The following SEC24D variants were observed in gnomAD, a reference collection of about 807,000 sequenced individuals.
The protein encoded by SEC24D is protein transport protein Sec24D.
Under a neutral mutation model 116.9 loss-of-function variants are expected in SEC24D, and 69 were observed. That is an observed-to-expected ratio of 0.59 (90% CI 0.49 to 0.72). The LOEUF (loss-of-function observed/expected upper bound fraction) is 0.72, where lower values mean the gene tolerates loss of function less well. Among genes scored for constraint, SEC24D ranks in the 30% least tolerant of loss-of-function variants. The pLI is 0.00. For missense variants in SEC24D, 1,131 were observed against 1,264.1 expected (o/e 0.89, Z 1.60); for synonymous variants, 405 against 442.8 (o/e 0.91, Z 1.07).
At chr4:118,783,457 T>G (rs1728521128) in intron 8 of SEC24D, among the ~76,000 whole-genome samples, 2 of 152,352 alleles carry the variant, frequency 1.3e-5, no homozygotes, top group Non-Finnish European at 2.9e-5. Context: ...GGCAGAGATC[T>G]TTGTCTGCTC....
rs769199260 is a variant in SEC24D, at chr4:118,805,828, A to G, written c.913+15T>C. On this transcript the variant is annotated intron_variant, in intron 7 of 22. Transcript: ENST00000280551. Reference sequence around the variant, plus strand: ...TTTTAAAACCTTAATAAATGGCATAATTAAAAACAAATACCTTGGTCTTGT... The same window carrying G: ...TTTTAAAACCTTAATAAATGGCATAGTTAAAAACAAATACCTTGGTCTTGT... 1 of 1,459,688 alleles carries G rather than the reference A, an allele frequency of 6.9e-7. No homozygotes were observed. Among genetic ancestry groups the G allele is most frequent in the Non-Finnish European group, 9.2e-7 (1 of 1,085,614 alleles). The allele number at this position is 1,459,688 out of a possible 1,614,324, so 90.4% of individuals were successfully genotyped here. A position where few individuals can be genotyped will look rare whatever the true frequency, so the allele number is the denominator to read the frequency against.
At chr4:118,742,634 A>G (rs1191046076) in intron 15 of SEC24D, among the ~76,000 whole-genome samples, 1 of 152,212 alleles carries the variant, frequency 6.6e-6, no homozygotes, top group Non-Finnish European at 1.5e-5. Flanking sequence ...CAAGTCCCTT[A>G]GTTTATAAAG....
chr4:118,797,164 C>T (rs77873179), intron 8 of SEC24D, among the ~76,000 whole-genome samples: 1 of 152,124 alleles, frequency 6.6e-6, no homozygotes, highest in Non-Finnish European at 1.5e-5. Context: ...CTTTTTTTCC[C>T]GCTCAACTAT....
chr4:118,762,904 C>T (rs1445163735), intron 10 of SEC24D, among the ~76,000 whole-genome samples: 3 of 152,162 alleles, frequency 2.0e-5, no homozygotes, highest in African/African-American at 7.2e-5. Flanking sequence ...AGATTTGACT[C>T]TCTGCCTAAG....
intron 2 of SEC24D, among the ~76,000 whole-genome samples, chr4:118,829,571 G>A (rs1730750303): frequency 6.6e-6 from 1 of 152,212 alleles, no homozygotes. Context: ...CCAGCACTTT[G>A]AGAGGCCGAG....
intron 12 of SEC24D, 63 bp from the exon 13 acceptor site, chr4:118,752,152 A>G: frequency 1.9e-6 from 2 of 1,049,452 alleles, no homozygotes; most frequent in East Asian, 2.4e-5. Flanking sequence ...ACTTCAAGCA[A>G]TAAATCACTA....
intron 2 of SEC24D, among the ~76,000 whole-genome samples, chr4:118,829,000 C>T (rs766859532): frequency 1.5e-4 from 23 of 152,316 alleles, no homozygotes; most frequent in South Asian, 8.3e-4. Flanking sequence ...GCATTCCCTC[C>T]GGGAAGGAGC....
intron 13 of SEC24D, among the ~76,000 whole-genome samples, chr4:118,748,529 A>C (rs959374743): frequency 5.3e-5 from 8 of 152,156 alleles, no homozygotes; most frequent in African/African-American, 1.7e-4. Context: ...TGCCTATAGG[A>C]GCGAGTCATA....
chr4:118,805,830 T>G lies in SEC24D; in HGVS notation c.913+13A>C. Reference sequence around the variant, plus strand: ...TTAAAACCTTAATAAATGGCATAATTAAAAACAAATACCTTGGTCTTGTAT... The same window carrying G: ...TTAAAACCTTAATAAATGGCATAATGAAAAACAAATACCTTGGTCTTGTAT... On this transcript the variant is annotated intron_variant, in intron 7 of 22. Transcript: ENST00000280551. 1 of 1,473,976 alleles carries G rather than the reference T, an allele frequency of 6.8e-7. No individual in the cohort carries two copies. Among genetic ancestry groups the G allele is most frequent in the Non-Finnish European group, 9.1e-7 (1 of 1,098,866 alleles). 91.3% of individuals were successfully genotyped at this position (1,473,976 alleles called of 1,614,324 possible). A position where few individuals can be genotyped will look rare whatever the true frequency, so the allele number is the denominator to read the frequency against.
intron 7 of SEC24D, among the ~76,000 whole-genome samples, chr4:118,805,022 TGA>T (rs1729615729): frequency 6.6e-6 from 1 of 151,648 alleles, no homozygotes; most frequent in African/African-American, 2.4e-5. Context: ...ATGCTGAGGT[TGA>T]GAGAGAGAGG....
chr4:118,811,457 G>A (rs1374820514), intron 6 of SEC24D, among the ~76,000 whole-genome samples: 1 of 152,222 alleles, frequency 6.6e-6, no homozygotes, highest in African/African-American at 2.4e-5. Flanking sequence ...TGCTATGAAA[G>A]TATTTTAAAA....
chr4:118,730,747 T>C (rs1725639708), intron 21 of SEC24D: 1 of 152,406 alleles, frequency 6.6e-6, no homozygotes, highest in Admixed American at 6.5e-5. Flanking sequence ...TTTCTTTTGT[T>C]GTTATTGCAA....
intron 22 of SEC24D, among the ~76,000 whole-genome samples, chr4:118,724,937 A>G (rs1725330773): frequency 4.6e-5 from 7 of 152,150 alleles, no homozygotes; most frequent in Admixed American, 4.6e-4. Flanking sequence ...ACATGCAGTT[A>G]GCTGCTTCAC....
In SEC24D at chr4:118,732,898, A is replaced by C. The variant is rs1725766612; in HGVS notation, c.2511T>G (p.Asp837Glu). The C allele has an allele frequency of 1.2e-6, 2 of 1,613,352 alleles. No homozygotes were observed. Among genetic ancestry groups the C allele is most frequent in the Non-Finnish European group, 1.7e-6 (2 of 1,179,610 alleles). ...TGTACACTGGCAATACTTTCATGGA[A>C]TCTGGTAGAATAAGCTGAAAAAGAC... ...PSAASQLILPDSMKVLPVYMN... is the reference protein window; with the variant it reads ...PSAASQLILPESMKVLPVYMN... Residue 837 changes from aspartate to glutamate, a missense_variant, in exon 20 of 23, where the codon GAT (aspartate) becomes GAG (glutamate). Transcript: ENST00000280551.
At chr4:118,785,323 T>C (rs1728623641) in intron 8 of SEC24D, among the ~76,000 whole-genome samples, 1 of 152,198 alleles carries the variant, frequency 6.6e-6, no homozygotes. Context: ...ATTATTTAGC[T>C]AAAAATGTTC....
chr4:118,832,255 T>C (rs915594778), intron 2 of SEC24D, among the ~76,000 whole-genome samples: 3 of 152,038 alleles, frequency 2.0e-5, no homozygotes, highest in African/African-American at 7.2e-5. Flanking sequence ...AACAAAAGGA[T>C]AGTGTCATTG....
chr4:118,823,465 C>T (rs982404382), intron 3 of SEC24D, among the ~76,000 whole-genome samples: 1 of 152,156 alleles, frequency 6.6e-6, no homozygotes, highest in Admixed American at 6.5e-5. Flanking sequence ...GATCTACAGT[C>T]ACATCTAGGG....
At chr4:118,767,738 A>G (rs1727706093) in intron 9 of SEC24D, among the ~76,000 whole-genome samples, 1 of 152,176 alleles carries the variant, frequency 6.6e-6, no homozygotes, top group African/African-American at 2.4e-5. Context: ...AAATCTATAT[A>G]AGTGTTAAAG....
intron 7 of SEC24D, among the ~76,000 whole-genome samples, chr4:118,801,425 G>A (rs555656899): frequency 2.0e-5 from 3 of 152,266 alleles, no homozygotes; most frequent in African/African-American, 4.8e-5. Context: ...AGCAGTAACA[G>A]AGGAGGAAAC....
Sources: gnomAD v4.1 joint callset for allele counts (sites outside exome capture counted in the v4.1 genomes callset) on GRCh38, gnomAD v4.1.1 for gene constraint, MANE v1.5 for transcripts, NCBI Gene and HGNC (gene_info 2026-07-23, HGNC 2026-07-21) for gene names.